The following DLG2 variants were observed in gnomAD, a reference collection of about 807,000 sequenced individuals.
DLG2 encodes the protein discs large MAGUK scaffold protein 2.
DLG2 carries 45 observed loss-of-function variants against 132.5 expected under a neutral mutation model. The ratio of observed to expected loss-of-function variants is 0.34; its 90% CI spans 0.27 to 0.44. The LOEUF is 0.44. Among genes scored for constraint, DLG2 ranks in the 20% least tolerant of loss-of-function variants. The pLI, the probability that DLG2 is intolerant of heterozygous loss-of-function variation, is 1.00. For missense variants in DLG2, 1,045 were observed against 1,196.9 expected, an observed-to-expected ratio of 0.87 and a Z score of 1.87; for synonymous variants, 424 against 419.6, an observed-to-expected ratio of 1.01 and a Z score of -0.13.
intron 3 of DLG2, among the ~76,000 whole-genome samples, chr11:85,387,277 T>G (rs578248610): frequency 6.6e-6 from 1 of 152,296 alleles, no homozygotes; most frequent in East Asian, 1.9e-4. Flanking sequence ...TTTATAACAT[T>G]TCCTTGTCTT....
chr11:84,378,140 C>T (rs1278634143), intron 7 of DLG2, among the ~76,000 whole-genome samples: 1 of 152,100 alleles, frequency 6.6e-6, no homozygotes, highest in Non-Finnish European at 1.5e-5. Context: ...GATGGGGCCC[C>T]TAAGAAAGTA....
chr11:84,115,227 A>G (rs1008062426), intron 9 of DLG2, among the ~76,000 whole-genome samples: 1 of 152,190 alleles, frequency 6.6e-6, no homozygotes, highest in African/African-American at 2.4e-5. Context: ...TCAGCCCACC[A>G]TTCTCACTGG....
At chr11:83,641,862 A>AGTGTGTGTGTGTGT (rs34754104) in intron 18 of DLG2, among the ~76,000 whole-genome samples, 51 of 147,924 alleles carry the variant, frequency 3.4e-4, no homozygotes, top group African/African-American at 1.2e-3. Context: ...AGAGAGAGGG[A>AGTGTGTGTGTGTGT]GTGTGTGTGT....
At chr11:85,478,213 G>C (rs2093198316) in intron 3 of DLG2, among the ~76,000 whole-genome samples, 1 of 151,718 alleles carries the variant, frequency 6.6e-6, no homozygotes, top group Admixed American at 6.6e-5. Flanking sequence ...GTAGAGAGAG[G>C]GTCTCACTAT....
At chr11:84,001,573 A>G (rs1417710780) in intron 11 of DLG2, among the ~76,000 whole-genome samples, 4 of 152,162 alleles carry the variant, frequency 2.6e-5, no homozygotes. Context: ...GAAACATTAA[A>G]GTAGACTTTA....
At chr11:84,179,179 T>C (rs1048009640) in intron 8 of DLG2, among the ~76,000 whole-genome samples, 4 of 152,088 alleles carry the variant, frequency 2.6e-5, no homozygotes, top group African/African-American at 9.7e-5. Flanking sequence ...AATCAAAATC[T>C]CATGAAAATT....
intron 7 of DLG2, among the ~76,000 whole-genome samples, chr11:84,266,014 A>G (rs1357761549): frequency 6.6e-6 from 1 of 152,180 alleles, no homozygotes; most frequent in East Asian, 1.9e-4. Flanking sequence ...TATTTTTGCA[A>G]TTTCTGGGAT....
intron 6 of DLG2, among the ~76,000 whole-genome samples, chr11:84,541,207 A>G (rs933878861): frequency 1.3e-5 from 2 of 151,614 alleles, no homozygotes; most frequent in Non-Finnish European, 2.9e-5. Flanking sequence ...AATAATAATA[A>G]TAATAATAAA....
intron 4 of DLG2, among the ~76,000 whole-genome samples, chr11:85,245,917 A>G (rs770774719): frequency 2.0e-5 from 3 of 151,892 alleles, no homozygotes; most frequent in Non-Finnish European, 2.9e-5. Context: ...GTAAAAATCC[A>G]CATAGGTAAT....
chr11:84,463,135 AAT>A (rs2099084925), intron 7 of DLG2, among the ~76,000 whole-genome samples: 2 of 151,304 alleles, frequency 1.3e-5, no homozygotes, highest in South Asian at 4.2e-4. Context: ...CCCCTTGCTC[AAT>A]GTCACGCCAA....
rs192418937 is a variant in DLG2, at chr11:84,809,262, G to T, written c.358-274531C>A. Among the ~76,000 whole-genome samples the T allele has an allele frequency of 1.4e-4, 22 of 151,886 alleles. No individual in the cohort carries two copies. The East Asian group carries it at 4.1e-3, about 28-fold the overall frequency. On this transcript the variant is annotated intron_variant, in intron 6 of 27. Transcript: ENST00000376104. The stretch of plus-strand genomic sequence containing the variant: ...ACATTGATAAAAAGTCTTAAAAACT[G>T]GGAATAGAAGGAAACTTTCTCAACT...
chr11:84,021,812 C>T (rs532715909), intron 11 of DLG2, among the ~76,000 whole-genome samples: 28 of 151,008 alleles, frequency 1.9e-4, no homozygotes, highest in African/African-American at 6.1e-4. Context: ...GGCTGGAGTG[C>T]AATTGGCTCA....
chr11:84,533,905 C>CAAAAA (rs558597260), intron 7 of DLG2, among the ~76,000 whole-genome samples: 1,508 of 70,224 alleles, frequency 0.021, 142 homozygotes, highest in South Asian at 0.043. Flanking sequence ...CCAGTTCAGC[C>CAAAAA]AAAAAAAAAA....
At chr11:84,817,987 C>T (rs10751115) in intron 6 of DLG2, among the ~76,000 whole-genome samples, 134,614 of 151,970 alleles carry the variant, frequency 0.89, 60,779 homozygotes, top group Middle Eastern at 0.98. Context: ...TCCTAGTGCT[C>T]CCCTCAATCC....
chr11:84,455,300 T>C (rs1327718114), intron 7 of DLG2, among the ~76,000 whole-genome samples: 2 of 151,478 alleles, frequency 1.3e-5, no homozygotes, highest in Non-Finnish European at 3.0e-5. Context: ...GTGGCCTGCA[T>C]TGCAAGTAGA....
chr11:84,624,310 G>A (rs762785090), intron 6 of DLG2, among the ~76,000 whole-genome samples: 3 of 152,064 alleles, frequency 2.0e-5, no homozygotes, highest in South Asian at 4.1e-4. Context: ...TTACTCCCAC[G>A]ATCACTAACG....
At chr11:85,091,409 G>C (rs559103695) in intron 6 of DLG2, among the ~76,000 whole-genome samples, 62 of 152,278 alleles carry the variant, frequency 4.1e-4, no homozygotes, top group African/African-American at 1.3e-3. Context: ...GATCAGGATG[G>C]TAGATGATGA....
intron 15 of DLG2, among the ~76,000 whole-genome samples, chr11:83,898,648 A>G (rs2072499526): frequency 6.6e-6 from 1 of 152,070 alleles, no homozygotes; most frequent in Admixed American, 6.6e-5. Flanking sequence ...TTTTCCAATA[A>G]TCAACTTAAC....
chr11:84,571,009 G>A (rs2099481607), intron 6 of DLG2, among the ~76,000 whole-genome samples: 1 of 152,028 alleles, frequency 6.6e-6, no homozygotes, highest in East Asian at 1.9e-4. Context: ...TAGCACTTCT[G>A]TTTAATAGTG....
Sources: gnomAD v4.1 joint callset for allele counts (sites outside exome capture counted in the v4.1 genomes callset) on GRCh38, gnomAD v4.1.1 for gene constraint, MANE v1.5 for transcripts, NCBI Gene and HGNC (gene_info 2026-07-23, HGNC 2026-07-21) for gene names.